Variants in FNTB observed in about 807,000 individuals in gnomAD.
FNTB encodes farnesyltransferase, CAAX box, subunit beta.
FNTB carries 27 observed loss-of-function variants against 59.4 expected under a neutral mutation model. The observed-to-expected ratio is 0.45, with a 90% CI of 0.34 to 0.63. FNTB has a LOEUF of 0.63. Ranked by LOEUF, FNTB falls within the 20% of genes least tolerant of loss-of-function variation. The pLI is 0.02. For missense variants in FNTB, 449 were observed against 559.6 expected (o/e 0.80, Z 1.99); for synonymous variants, 230 against 220.7 (o/e 1.04, Z -0.37).
intron 1 of FNTB, chr14:64,987,312 G>A (rs912354185): frequency 3.3e-6 from 2 of 602,932 alleles, no homozygotes; most frequent in African/African-American, 1.9e-5. Context: ...TTCAAGGTTG[G>A]GCTTGGAGGA....
At position 65,032,743 on chromosome 14, in the gene FNTB, C is replaced by A; in HGVS notation, c.692+47C>A. ...CCTGGCCTCTTGGAGAGCAGGCGGT[C>A]ACGACACTACTTCAGAAAAATAAAG... On this transcript the variant is annotated intron_variant, in intron 7 of 11. Transcript: ENST00000246166. This position sits in a 1 kb window ranked among gnomAD's most constrained non-coding sequence, Gnocchi z 5.0. The A allele has an allele frequency of 1.3e-6, 2 of 1,567,994 alleles. No individual in the cohort carries two copies. The highest frequency in any genetic ancestry group is 1.2e-5 in the South Asian group (1 of 86,146).
intron 9 of FNTB, among the ~76,000 whole-genome samples, chr14:65,051,768 C>CA (rs1368312300): frequency 6.6e-6 from 1 of 151,400 alleles, no homozygotes; most frequent in East Asian, 1.9e-4. Context: ...TTATTGATAC[C>CA]ATAAACTTTT....
At chr14:64,996,822 G>C (rs990043969) in intron 1 of FNTB, among the ~76,000 whole-genome samples, 2 of 122,816 alleles carry the variant, frequency 1.6e-5, no homozygotes, top group African/African-American at 6.3e-5. Flanking sequence ...AAAGCAATTA[G>C]AAATATAGCC....
chr14:65,057,551 T>C (rs2062765154), intron 11 of FNTB, among the ~76,000 whole-genome samples: 1 of 152,188 alleles, frequency 6.6e-6, no homozygotes, highest in Non-Finnish European at 1.5e-5. Context: ...ATCTCTACCA[T>C]TTTTTGAGGG....
chr14:65,047,647 A>G lies in FNTB; in HGVS notation c.955+3204A>G, dbSNP rs1228002257. ...ATAAGGGCACTTACCCTTTGAACAC[A>G]GCAAGTGCACTGTCAGGAATTTACC... is the stretch of plus-strand genomic sequence containing the variant. On this transcript the variant is annotated intron_variant, in intron 9 of 11. Coordinates refer to ENST00000246166, the MANE Select transcript of FNTB (RefSeq NM_002028.4). This position sits in a 1 kb window ranked among gnomAD's most constrained non-coding sequence, Gnocchi z 5.2. Among the ~76,000 whole-genome samples, 1 of 152,246 alleles carries G rather than the reference A, an allele frequency of 6.6e-6. No homozygotes were observed. The highest frequency in any genetic ancestry group is 1.5e-5 in the Non-Finnish European group (1 of 68,044).
Position 65,054,794 on chromosome 14 carries a change from G to GGAA in FNTB, c.1182+107_1182+109dup. On this transcript the variant is annotated intron_variant, in intron 11 of 11. Transcript: ENST00000246166. This position sits in a 1 kb window ranked among gnomAD's most constrained non-coding sequence, Gnocchi z 4.4. Reference sequence around the variant, plus strand: ...CTCTGCATTTCCTGTGTGGACAGGCGGAAGCTTGTGGTCCCTCTGCCCTTC... The same window carrying GGAA: ...CTCTGCATTTCCTGTGTGGACAGGCGGAAGAAGCTTGTGGTCCCTCTGCCCTTC... 8.1e-7 allele frequency: 1 copy of GGAA among 1,233,470 alleles called. No individual in the cohort carries two copies. The highest frequency in any genetic ancestry group is 1.1e-6 in the Non-Finnish European group (1 of 880,020). The allele number at this position is 1,233,470 out of a possible 1,614,324, so 76.4% of individuals were successfully genotyped here.
In FNTB at chr14:65,043,882, T is replaced by C. The variant is rs924802643; in HGVS notation, c.823-429T>C. ...AAAAGAAATGTAGTACCAAATTCCA[T>C]TTATCTGCTTTTAATAAACTCCCCG... On this transcript the variant is annotated intron_variant, in intron 8 of 11. Transcript: ENST00000246166. Among the ~76,000 whole-genome samples, 5 of 145,732 alleles carry C rather than the reference T, an allele frequency of 3.4e-5. No individual in the cohort carries two copies. In the East Asian group the frequency reaches 8.0e-4, roughly 23 times the overall value.
rs573708327 is a variant in FNTB at position 65,023,701 on chromosome 14, CAT to C, written c.375-3751_375-3750del. Among the ~76,000 whole-genome samples the C allele has an allele frequency of 3.9e-5, 6 of 152,316 alleles. No homozygotes were observed. In the South Asian group the frequency reaches 1.0e-3, roughly 26 times the overall value. On this transcript the variant is annotated intron_variant, in intron 4 of 11. Coordinates refer to ENST00000246166, the MANE Select transcript of FNTB (RefSeq NM_002028.4). This position sits in a 1 kb window ranked among gnomAD's most constrained non-coding sequence, Gnocchi z 4.1. ...AATTAATTGAGAATTTAAATTGCCT[CAT>C]GTGGCTAGTGGCTGCCTATTGGACA...
chr14:65,009,019 C>T lies in FNTB; in HGVS notation c.210-3298C>T, dbSNP rs1054688086. On this transcript the variant is annotated intron_variant, in intron 2 of 11. Coordinates refer to ENST00000246166, the MANE Select transcript of FNTB (RefSeq NM_002028.4). The surrounding 1 kb of genome is among the most constrained non-coding windows in gnomAD (Gnocchi z 4.2). ...CACCCCCTCAAGTCCTGCACGAAAC[C>T]TGTCTTATTCTGCTCCATGTAATTG... 3.9e-5 allele frequency among the ~76,000 whole-genome samples: 6 copies of T among 152,202 alleles called. No individual in the cohort carries two copies. The highest frequency in any genetic ancestry group is 3.3e-4 in the Admixed American group (5 of 15,294).
At chr14:65,045,028 C>T (rs2062444440) in intron 9 of FNTB, among the ~76,000 whole-genome samples, 1 of 152,152 alleles carries the variant, frequency 6.6e-6, no homozygotes, top group Admixed American at 6.5e-5. Context: ...GTTTGTTCCA[C>T]CTGCACCATT....
rs968992246 is a variant in FNTB at position 65,030,460 on chromosome 14, G to A, written c.606-2150G>A. On this transcript the variant is annotated intron_variant, in intron 6 of 11. Transcript: ENST00000246166. This position sits in a 1 kb window ranked among gnomAD's most constrained non-coding sequence, Gnocchi z 4.5. ...ACTGAGTAAGATGGAAACCAGGGCC[G>A]AGCGGCAGTGGCTCATGTCTGTAAT... 9.9e-5 allele frequency among the ~76,000 whole-genome samples: 15 copies of A among 152,264 alleles called. No individual in the cohort carries two copies. The highest frequency in any genetic ancestry group is 9.1e-4 in the Admixed American group (14 of 15,306).
chr14:64,997,843 T>G lies in FNTB; in HGVS notation c.145-6406T>G, dbSNP rs1449637216. Among the ~76,000 whole-genome samples, 1 of 152,206 alleles carries G rather than the reference T, an allele frequency of 6.6e-6. No homozygotes were observed. On this transcript the variant is annotated intron_variant, in intron 1 of 11. Coordinates refer to ENST00000246166, the MANE Select transcript of FNTB (RefSeq NM_002028.4). This position sits in a 1 kb window ranked among gnomAD's most constrained non-coding sequence, Gnocchi z 4.5. Reference sequence around the variant, plus strand: ...GTACAGAAAGAGAGGCAAATGGAGATTTCCTTTTATAGATGTAATTTTCCC... The same window carrying G: ...GTACAGAAAGAGAGGCAAATGGAGAGTTCCTTTTATAGATGTAATTTTCCC...
rs1422933692 is a variant in FNTB at position 65,009,785 on chromosome 14, C to A, written c.210-2532C>A. Among the ~76,000 whole-genome samples the A allele has an allele frequency of 6.6e-6, 1 of 152,168 alleles. No homozygotes were observed. Among genetic ancestry groups the A allele is most frequent in the Non-Finnish European group, 1.5e-5 (1 of 68,036 alleles). Reference sequence around the variant, plus strand: ...GCCTGCTTAACTCATGTCTTTCCAGCCTTAAACTCAATGCTCTTCCCTTTG... The same window carrying A: ...GCCTGCTTAACTCATGTCTTTCCAGACTTAAACTCAATGCTCTTCCCTTTG... On this transcript the variant is annotated intron_variant, in intron 2 of 11. Coordinates refer to ENST00000246166, the MANE Select transcript of FNTB (RefSeq NM_002028.4). The surrounding 1 kb of genome is among the most constrained non-coding windows in gnomAD (Gnocchi z 4.2).
intron 9 of FNTB, among the ~76,000 whole-genome samples, chr14:65,051,760 A>G (rs2062616344): frequency 6.6e-6 from 1 of 150,754 alleles, no homozygotes. Context: ...GGGAAAGGTT[A>G]TTGATACCAT....
chr14:64,991,575 G>T lies in FNTB; in HGVS notation c.144+4478G>T, dbSNP rs1256869685. 6.6e-6 allele frequency among the ~76,000 whole-genome samples: 1 copy of T among 152,122 alleles called. No individual in the cohort carries two copies. The highest frequency in any genetic ancestry group is 2.4e-5 in the African/African-American group (1 of 41,414). ...GCCGAGATTGCACCATTGCACTCAAGCCTGGGTGACAGAGCAAGACTCCAT... is the reference window on the plus strand; with the variant it reads ...GCCGAGATTGCACCATTGCACTCAATCCTGGGTGACAGAGCAAGACTCCAT... On this transcript the variant is annotated intron_variant, in intron 1 of 11. Transcript: ENST00000246166. The surrounding 1 kb of genome is among the most constrained non-coding windows in gnomAD (Gnocchi z 4.4).
At chr14:64,998,803 C>T (rs1449428454) in intron 1 of FNTB, among the ~76,000 whole-genome samples, 1 of 152,208 alleles carries the variant, frequency 6.6e-6, no homozygotes, top group Non-Finnish European at 1.5e-5. Context: ...TGAGAATTTA[C>T]ATTTCAAACA....
In FNTB at chr14:65,025,028, C is replaced by G. The variant is rs551828174; in HGVS notation, c.375-2425C>G. ...ATGACAGCTGGTAGTTCATAGTCAA[C>G]TTGCCAATTCCTTAAGGTGCAAGTT... On this transcript the variant is annotated intron_variant, in intron 4 of 11. Coordinates refer to ENST00000246166, the MANE Select transcript of FNTB (RefSeq NM_002028.4). Among the ~76,000 whole-genome samples, 6 of 152,304 alleles carry G rather than the reference C, an allele frequency of 3.9e-5. 1 individual carries two copies. In the South Asian group the frequency reaches 1.2e-3, roughly 32 times the overall value.
intron 4 of FNTB, among the ~76,000 whole-genome samples, chr14:65,019,945 A>G (rs2061854853): frequency 6.6e-6 from 1 of 152,240 alleles, no homozygotes; most frequent in Admixed American, 6.5e-5. Context: ...GGGAAATGAA[A>G]TGCTTTGAAA....
intron 11 of FNTB, among the ~76,000 whole-genome samples, chr14:65,059,149 A>G (rs532492662): frequency 6.6e-6 from 1 of 152,094 alleles, no homozygotes; most frequent in African/African-American, 2.4e-5. Context: ...TAGCCTCCCA[A>G]GTAGCAGGGA....
Sources: allele counts gnomAD v4.1 joint callset (sites outside exome capture counted in the v4.1 genomes callset), GRCh38; gene constraint gnomAD v4.1.1; non-coding constraint Gnocchi (gnomAD v3.1); transcripts MANE v1.5; gene names NCBI Gene and HGNC (gene_info 2026-07-23, HGNC 2026-07-21).